Variants in CRACR2A observed in about 807,000 individuals in gnomAD.
CRACR2A encodes the protein EF-hand calcium-binding domain-containing protein 4B.
In CRACR2A, 79 loss-of-function variants were observed where a neutral mutation model predicts 90.5. That is an observed-to-expected ratio of 0.87 (90% CI 0.73 to 1.05). CRACR2A has a LOEUF of 1.05. Ranked by LOEUF, CRACR2A falls within the 50% of genes least tolerant of loss-of-function variation. The pLI is 0.00. For synonymous variants in CRACR2A, 338 were observed against 356.7 expected, an observed-to-expected ratio of 0.95 and a Z score of 0.59; for missense variants, 823 against 897.2, an observed-to-expected ratio of 0.92 and a Z score of 1.06.
chr12:3,720,225 AAAAG>A (rs757788405), intron 2 of CRACR2A, among the ~76,000 whole-genome samples: 5,084 of 125,438 alleles, frequency 0.041, 290 homozygotes, highest in African/African-American at 0.12. Flanking sequence ...AGAAGAAAGA[AAAAG>A]AAAGAAAGAA....
In CRACR2A at chr12:3,741,944, AAG is replaced by A. The variant is rs10546199; in HGVS notation, c.-386-8736_-386-8735del. On this transcript the variant is annotated intron_variant, in intron 1 of 19. Coordinates refer to ENST00000440314, the MANE Select transcript of CRACR2A (RefSeq NM_001144958.2). Reference sequence around the variant, plus strand: ...GCACATGTGTCCTCTCAGTGAGGGCAAGAGAGTCACCCATGACTGTCACTCTG... The same window carrying A: ...GCACATGTGTCCTCTCAGTGAGGGCAAGAGTCACCCATGACTGTCACTCTG... 3.1e-3 allele frequency among the ~76,000 whole-genome samples: 473 copies of A among 152,350 alleles called. 4 individuals carry two copies. Among genetic ancestry groups the A allele is most frequent in the African/African-American group, 0.011 (442 of 41,582 alleles).
At chr12:3,657,512 C>A (rs1009552548) in intron 8 of CRACR2A, among the ~76,000 whole-genome samples, 1 of 152,218 alleles carries the variant, frequency 6.6e-6, no homozygotes, top group African/African-American at 2.4e-5. Context: ...TGCTTCCTTG[C>A]GCATCCTCTA....
intron 15 of CRACR2A, among the ~76,000 whole-genome samples, chr12:3,632,200 T>TC (rs1311077877): frequency 6.6e-6 from 1 of 152,124 alleles, no homozygotes; most frequent in Non-Finnish European, 1.5e-5. Flanking sequence ...GTGCCTGCTT[T>TC]CCCTTTACCT....
chr12:3,733,582 G>A (rs1946395169), intron 1 of CRACR2A, among the ~76,000 whole-genome samples: 1 of 152,160 alleles, frequency 6.6e-6, no homozygotes, highest in African/African-American at 2.4e-5. Flanking sequence ...AACTTCTGCA[G>A]CCACTTTGTG....
chr12:3,618,033 G>A (rs543167728), intron 18 of CRACR2A, among the ~76,000 whole-genome samples: 2 of 152,272 alleles, frequency 1.3e-5, no homozygotes, highest in East Asian at 3.9e-4. Flanking sequence ...ATAGTGGGGA[G>A]GGGAGAGAAG....
At chr12:3,618,083 T>C (rs1419706636) in intron 18 of CRACR2A, among the ~76,000 whole-genome samples, 4 of 151,916 alleles carry the variant, frequency 2.6e-5, no homozygotes, top group Non-Finnish European at 5.9e-5. Context: ...TTTGCCTTCC[T>C]GCTTTGAGTT....
chr12:3,733,531 T>C (rs760348918), intron 1 of CRACR2A, among the ~76,000 whole-genome samples: 12 of 152,072 alleles, frequency 7.9e-5, no homozygotes, highest in Non-Finnish European at 1.5e-4. Flanking sequence ...TCCTGGCTCT[T>C]TTCCTCTGCT....
chr12:3,700,631 A>G (rs1433788000), intron 3 of CRACR2A, among the ~76,000 whole-genome samples: 1 of 152,246 alleles, frequency 6.6e-6, no homozygotes, highest in Non-Finnish European at 1.5e-5. Context: ...GTCATTTCGT[A>G]TTGATAAAAG....
At chr12:3,697,430 G>A (rs1439319304) in intron 3 of CRACR2A, among the ~76,000 whole-genome samples, 1 of 152,146 alleles carries the variant, frequency 6.6e-6, no homozygotes, top group Non-Finnish European at 1.5e-5. Flanking sequence ...TTTTTTTCAT[G>A]TAATTCTCAC....
chr12:3,717,019 G>A (rs539137874), intron 2 of CRACR2A, among the ~76,000 whole-genome samples: 12 of 152,242 alleles, frequency 7.9e-5, no homozygotes, highest in Admixed American at 7.2e-4. Context: ...ACAGGCATTC[G>A]ATACCACAGG....
intron 10 of CRACR2A, among the ~76,000 whole-genome samples, chr12:3,651,756 G>A (rs1944798501): frequency 6.6e-6 from 1 of 152,174 alleles, no homozygotes; most frequent in African/African-American, 2.4e-5. Flanking sequence ...GGGACTATCA[G>A]GAGAACTGGG....
intron 1 of CRACR2A, among the ~76,000 whole-genome samples, chr12:3,734,635 G>GTGTC (rs1452812748): frequency 6.6e-6 from 1 of 151,186 alleles, no homozygotes; most frequent in Non-Finnish European, 1.5e-5. Flanking sequence ...GTGTATGTGT[G>GTGTC]TGTGTGTGTG....
rs2137608678 is a variant in CRACR2A at position 3,679,052 on chromosome 12, A to G, written c.387T>C (p.Gly129=). The G allele has an allele frequency of 1.2e-6, 2 of 1,613,674 alleles. No homozygotes were observed. The highest frequency in any genetic ancestry group is 1.7e-5 in the Admixed American group (1 of 59,886). ...SQNNPSQEDA[G]EQVAQRHEEK... is the part of the protein sequence containing the mutation. Reference sequence around the variant, plus strand: ...CTTCATGGCGCTGGGCCACCTGTTCACCTGCATCTTCCTGACTTGGGTTAT... The same window carrying G: ...CTTCATGGCGCTGGGCCACCTGTTCGCCTGCATCTTCCTGACTTGGGTTAT... Residue 129 remains glycine, a synonymous_variant, in exon 6 of 20, where the codon GGT becomes GGC. Coordinates refer to ENST00000440314, the MANE Select transcript of CRACR2A (RefSeq NM_001144958.2).
intron 11 of CRACR2A, among the ~76,000 whole-genome samples, chr12:3,645,994 T>A (rs757195519): frequency 4.0e-5 from 6 of 150,380 alleles, no homozygotes; most frequent in Non-Finnish European, 7.4e-5. Flanking sequence ...GGCACGGGGG[T>A]AGGGGGTGGC....
chr12:3,686,846 A>G (rs1232787712), intron 4 of CRACR2A, among the ~76,000 whole-genome samples: 13 of 152,212 alleles, frequency 8.5e-5, no homozygotes, highest in Admixed American at 1.3e-4. Flanking sequence ...ATGCAGGTCA[A>G]CGTCCATCAT....
Position 3,625,394 on chromosome 12 carries a change from A to G in CRACR2A, c.1932+2042T>C, listed in dbSNP as rs149040305. ...TTCTTCTAGATCCCAGGCTCTGTGC[A>G]AAACAGGAGCCTTAGAAACGACACC... On this transcript the variant is annotated intron_variant, in intron 17 of 19. Coordinates refer to ENST00000440314, the MANE Select transcript of CRACR2A (RefSeq NM_001144958.2). Among the ~76,000 whole-genome samples the G allele has an allele frequency of 5.8e-4, 88 of 152,018 alleles. 1 individual carries two copies. The highest frequency in any genetic ancestry group is 2.1e-3 in the African/African-American group (85 of 41,418).
At chr12:3,626,052 G>T (rs1035933072) in intron 17 of CRACR2A, among the ~76,000 whole-genome samples, 4 of 152,218 alleles carry the variant, frequency 2.6e-5, no homozygotes, top group African/African-American at 9.6e-5. Flanking sequence ...TTCAAAACTT[G>T]CATTTTCTCA....
At chr12:3,735,325 G>A (rs1395899963) in intron 1 of CRACR2A, among the ~76,000 whole-genome samples, 2 of 152,278 alleles carry the variant, frequency 1.3e-5, no homozygotes, top group African/African-American at 4.8e-5. Context: ...AGCCTGTGTG[G>A]GCACAAAGAA....
At chr12:3,684,547 G>A (rs889471361) in intron 4 of CRACR2A, among the ~76,000 whole-genome samples, 10 of 152,152 alleles carry the variant, frequency 6.6e-5, no homozygotes, top group African/African-American at 1.9e-4. Flanking sequence ...CTCACCAGTC[G>A]TTTCAATAAA....
Sources: gnomAD v4.1 joint callset for allele counts (sites outside exome capture counted in the v4.1 genomes callset) on GRCh38, gnomAD v4.1.1 for gene constraint, MANE v1.5 for transcripts, NCBI Gene and HGNC (gene_info 2026-07-23, HGNC 2026-07-21) for gene names.